PHACTR1: variants seen among roughly 807,000 people sequenced by gnomAD.
PHACTR1 encodes the protein phosphatase and actin regulator 1.
A neutral mutation model predicts 69.2 loss-of-function variants in PHACTR1; 16 were observed. The ratio of observed to expected loss-of-function variants is 0.23; its 90% CI spans 0.16 to 0.35. PHACTR1 has a LOEUF of 0.35. Among genes scored for constraint, PHACTR1 ranks in the 10% least tolerant of loss-of-function variants. The pLI is 1.00. For synonymous variants in PHACTR1, 312 were observed against 284.5 expected, an observed-to-expected ratio of 1.10 and a Z score of -0.97; for missense variants, 510 against 734.7, an observed-to-expected ratio of 0.69 and a Z score of 3.54.
chr6:13,072,041 C>T (rs1330509500), intron 5 of PHACTR1, among the ~76,000 whole-genome samples: 1 of 152,224 alleles, frequency 6.6e-6, no homozygotes, highest in Non-Finnish European at 1.5e-5. Context: ...TCTATTTCAT[C>T]TGTGGACAAC....
Position 13,005,738 on chromosome 6 carries a change from C to T in PHACTR1, c.251-47627C>T, listed in dbSNP as rs528677118. On this transcript the variant is annotated intron_variant, in intron 4 of 14. Transcript: ENST00000332995. ...TTAGAGCATATTCCATTGTTTTCCT[C>T]GGTGAATTCGACGTCATATTTCCCA... Among the ~76,000 whole-genome samples the T allele has an allele frequency of 1.7e-4, 26 of 152,172 alleles. No individual in the cohort carries two copies. The East Asian group carries it at 3.9e-3, about 23-fold the overall frequency.
intron 5 of PHACTR1, among the ~76,000 whole-genome samples, chr6:13,138,486 G>C (rs1207699229): frequency 6.6e-6 from 1 of 152,238 alleles, no homozygotes; most frequent in Non-Finnish European, 1.5e-5. Flanking sequence ...AGGTTACTGG[G>C]ATTATCTTCC....
intron 4 of PHACTR1, among the ~76,000 whole-genome samples, chr6:12,900,149 A>G (rs895303724): frequency 3.3e-5 from 5 of 151,964 alleles, no homozygotes; most frequent in African/African-American, 1.2e-4. Flanking sequence ...TCTTCAAACC[A>G]CTTGTTCTTC....
intron 4 of PHACTR1, among the ~76,000 whole-genome samples, chr6:12,790,675 G>A (rs1772159034): frequency 6.6e-6 from 1 of 152,226 alleles, no homozygotes; most frequent in African/African-American, 2.4e-5. Context: ...TGGAAAAGAG[G>A]ATATTATTAG....
chr6:12,808,588 A>G (rs1408155371), intron 4 of PHACTR1, among the ~76,000 whole-genome samples: 1 of 152,212 alleles, frequency 6.6e-6, no homozygotes, highest in Non-Finnish European at 1.5e-5. Flanking sequence ...AGTGACATAG[A>G]AAGGTTTTCA....
intron 4 of PHACTR1, among the ~76,000 whole-genome samples, chr6:12,767,851 T>C (rs539183418): frequency 1.3e-5 from 2 of 152,282 alleles, no homozygotes; most frequent in East Asian, 1.9e-4. Context: ...AAGACATTGA[T>C]AAATCTTGTT....
Position 12,723,687 on chromosome 6 carries a change from A to G in PHACTR1, c.103+4840A>G, listed in dbSNP as rs546708162. 3.3e-5 allele frequency among the ~76,000 whole-genome samples: 5 copies of G among 152,108 alleles called. No homozygotes were observed. The South Asian group carries it at 1.0e-3, about 32-fold the overall frequency. On this transcript the variant is annotated intron_variant, in intron 3 of 14. Transcript: ENST00000332995. ...TAAGTTTTACAGACAGAATCTTGCT[A>G]TGTTTCCCAGGCTGGTCTTAAACTC...
Position 13,005,941 on chromosome 6 carries a change from T to C in PHACTR1, c.251-47424T>C, listed in dbSNP as rs146185166. Reference sequence around the variant, plus strand: ...CACTCCACTCTCTATTTCTCACCAATGTTACATTATCCTATTACCTTGTTC... The same window carrying C: ...CACTCCACTCTCTATTTCTCACCAACGTTACATTATCCTATTACCTTGTTC... On this transcript the variant is annotated intron_variant, in intron 4 of 14. Transcript: ENST00000332995. Among the ~76,000 whole-genome samples the C allele has an allele frequency of 4.8e-3, 732 of 151,700 alleles. 6 individuals are homozygous for C. The highest frequency in any genetic ancestry group is 0.016 in the African/African-American group (662 of 41,424).
At chr6:13,032,332 A>G (rs779795976) in intron 4 of PHACTR1, among the ~76,000 whole-genome samples, 12 of 152,332 alleles carry the variant, frequency 7.9e-5, no homozygotes, top group Admixed American at 2.6e-4. Flanking sequence ...TATATGTAAT[A>G]ATGTGCTTTT....
chr6:13,098,733 G>A (rs887849331), intron 5 of PHACTR1, among the ~76,000 whole-genome samples: 1 of 152,150 alleles, frequency 6.6e-6, no homozygotes, highest in Non-Finnish European at 1.5e-5. Flanking sequence ...CTCACATCCA[G>A]TCAGTCTCTA....
At chr6:12,859,937 C>T (rs1421669968) in intron 4 of PHACTR1, among the ~76,000 whole-genome samples, 6 of 152,044 alleles carry the variant, frequency 3.9e-5, no homozygotes. Context: ...CACTAAGGTA[C>T]CATTGCGCTT....
chr6:13,193,419 C>T (rs1356358950), intron 7 of PHACTR1, among the ~76,000 whole-genome samples: 1 of 130,190 alleles, frequency 7.7e-6, no homozygotes, highest in Non-Finnish European at 1.7e-5. Flanking sequence ...TGCGGTCTCA[C>T]TATGTTGTCC....
At chr6:12,868,407 C>T (rs1342249773) in intron 4 of PHACTR1, among the ~76,000 whole-genome samples, 1 of 151,912 alleles carries the variant, frequency 6.6e-6, no homozygotes. Flanking sequence ...TCTAAAGATG[C>T]ATTTGGCATG....
chr6:13,035,677 G>A (rs1290597460), intron 4 of PHACTR1, among the ~76,000 whole-genome samples: 1 of 152,156 alleles, frequency 6.6e-6, no homozygotes, highest in Non-Finnish European at 1.5e-5. Context: ...AAATACAAGA[G>A]CCCTATGAAG....
At chr6:13,044,523 C>T (rs1298240051) in intron 4 of PHACTR1, among the ~76,000 whole-genome samples, 2 of 152,266 alleles carry the variant, frequency 1.3e-5, no homozygotes, top group Admixed American at 6.5e-5. Flanking sequence ...ATGCAATGCT[C>T]TGATTGGCCA....
intron 5 of PHACTR1, among the ~76,000 whole-genome samples, chr6:13,147,344 A>G (rs1342242407): frequency 6.6e-6 from 1 of 152,248 alleles, no homozygotes; most frequent in African/African-American, 2.4e-5. Flanking sequence ...TGCACTCCCA[A>G]GAATATGCAG....
chr6:13,156,931 T>C (rs1758262516), intron 5 of PHACTR1, among the ~76,000 whole-genome samples: 1 of 152,180 alleles, frequency 6.6e-6, no homozygotes, highest in Non-Finnish European at 1.5e-5. Context: ...GCTACCATCA[T>C]CCCCTGCCTA....
chr6:12,882,758 C>T (rs1458235992), intron 4 of PHACTR1, among the ~76,000 whole-genome samples: 3 of 152,142 alleles, frequency 2.0e-5, no homozygotes, highest in Admixed American at 2.0e-4. Flanking sequence ...GGATGGTTTC[C>T]TGGCTTCTTA....
At chr6:13,108,449 C>T (rs1189418811) in intron 5 of PHACTR1, among the ~76,000 whole-genome samples, 1 of 151,998 alleles carries the variant, frequency 6.6e-6, no homozygotes, top group Non-Finnish European at 1.5e-5. Flanking sequence ...GTCTACTTTC[C>T]TAGAAAATAC....
Sources: allele counts gnomAD v4.1 joint callset (sites outside exome capture counted in the v4.1 genomes callset), GRCh38; gene constraint gnomAD v4.1.1; transcripts MANE v1.5; gene names NCBI Gene and HGNC (gene_info 2026-07-23, HGNC 2026-07-21).